PLEKHG7: variants seen among roughly 807,000 people sequenced by gnomAD.
The protein encoded by PLEKHG7 is pleckstrin homology and RhoGEF domain containing G7.
In PLEKHG7, 77 loss-of-function variants were observed where a neutral mutation model predicts 85.2. The ratio of observed to expected loss-of-function variants is 0.90; its 90% CI spans 0.75 to 1.09. The LOEUF (loss-of-function observed/expected upper bound fraction) is 1.09, where lower values mean the gene tolerates loss of function less well. Ranked by LOEUF, PLEKHG7 falls within the 50% of genes least tolerant of loss-of-function variation. The probability of loss-of-function intolerance (pLI) is 0.00; values close to 1 mark genes in which losing one functional copy is unlikely to be tolerated. For synonymous variants in PLEKHG7, 301 were observed against 302.4 expected (o/e 1.00, Z 0.05); for missense variants, 777 against 804.3 (o/e 0.97, Z 0.41).
chr12:92,718,236 AAGAG>A (rs1183237257), intron 3 of PLEKHG7, among the ~76,000 whole-genome samples: 2 of 152,170 alleles, frequency 1.3e-5, no homozygotes, highest in Non-Finnish European at 2.9e-5. Context: ...CATTACTCAA[AAGAG>A]AAGACTGCAG....
intron 13 of PLEKHG7, 135 bp from the exon 14 acceptor site, chr12:92,761,615 GAA>G (rs1872999654): frequency 2.9e-6 from 3 of 1,023,222 alleles, no homozygotes; most frequent in Middle Eastern, 2.8e-4. Flanking sequence ...GAAAAAGAAA[GAA>G]AGAAAGAAGA....
chr12:92,762,772 C>T (rs1274516521), intron 14 of PLEKHG7, among the ~76,000 whole-genome samples: 1 of 152,160 alleles, frequency 6.6e-6, no homozygotes, highest in Non-Finnish European at 1.5e-5. Flanking sequence ...TAGATAAGAT[C>T]ATGAGACTAG....
chr12:92,710,076 CG>C (rs1448289839), intron 3 of PLEKHG7, among the ~76,000 whole-genome samples: 3 of 152,074 alleles, frequency 2.0e-5, no homozygotes, highest in African/African-American at 7.2e-5. Flanking sequence ...GCCAGCAGAA[CG>C]TAATGTCACA....
chr12:92,761,038 G>A (rs1195175343), intron 13 of PLEKHG7, among the ~76,000 whole-genome samples: 1 of 152,164 alleles, frequency 6.6e-6, no homozygotes, highest in African/African-American at 2.4e-5. Flanking sequence ...GGGATAGGGT[G>A]GAGGTATCCG....
intron 4 of PLEKHG7, among the ~76,000 whole-genome samples, chr12:92,729,610 C>T (rs950321509): frequency 2.4e-4 from 36 of 152,102 alleles, no homozygotes; most frequent in African/African-American, 8.4e-4. Flanking sequence ...AAAGCGTCTG[C>T]ATCTTCATCT....
intron 10 of PLEKHG7, among the ~76,000 whole-genome samples, chr12:92,753,232 C>T (rs1872739668): frequency 6.6e-6 from 1 of 152,258 alleles, no homozygotes; most frequent in South Asian, 2.1e-4. Context: ...CCCTATACTC[C>T]TTCCTGATGT....
chr12:92,729,254 T>A, intron 4 of PLEKHG7, 134 bp downstream of exon 4: 1 of 1,095,702 alleles, frequency 9.1e-7, no homozygotes, highest in Non-Finnish European at 1.2e-6. Flanking sequence ...CCTCACCAAT[T>A]ACAACGGGCA....
At chr12:92,766,334 G>A (rs1340647294) in intron 15 of PLEKHG7, among the ~76,000 whole-genome samples, 1 of 152,188 alleles carries the variant, frequency 6.6e-6, no homozygotes, top group Non-Finnish European at 1.5e-5. Flanking sequence ...TATAGTTATA[G>A]ATTGTGGCCT....
At position 92,736,402 on chromosome 12, in the gene PLEKHG7, C is replaced by T. The variant is rs372354456; in HGVS notation, c.700-80C>T. The T allele has an allele frequency of 2.3e-5, 20 of 877,286 alleles. No individual in the cohort carries two copies. In the Middle Eastern group the frequency reaches 1.2e-3, roughly 52 times the overall value. The allele number at this position is 877,286 out of a possible 1,614,324, so 54.3% of individuals were successfully genotyped here. On this transcript the variant is annotated intron_variant, in intron 5 of 16. Coordinates refer to ENST00000344636, the MANE Select transcript of PLEKHG7 (RefSeq NM_001377329.1). The stretch of plus-strand genomic sequence containing the variant: ...CTTATCATGAATGTTAGGGAATGAA[C>T]GAAAGATGCCAAGGCTACCGAAGTC...
chr12:92,723,008 TG>T (rs1237776387), intron 3 of PLEKHG7, among the ~76,000 whole-genome samples: 2 of 152,112 alleles, frequency 1.3e-5, no homozygotes, highest in African/African-American at 4.8e-5. Context: ...AAAAGATTTA[TG>T]GAGGAGGAGT....
intron 1 of PLEKHG7, among the ~76,000 whole-genome samples, chr12:92,705,307 C>T (rs916080583): frequency 2.6e-5 from 4 of 152,060 alleles, no homozygotes; most frequent in African/African-American, 7.3e-5. Context: ...AGAATGAGGT[C>T]AGGTTATAAG....
intron 1 of PLEKHG7, among the ~76,000 whole-genome samples, chr12:92,704,371 T>A (rs1470844553): frequency 6.6e-6 from 1 of 152,200 alleles, no homozygotes; most frequent in Non-Finnish European, 1.5e-5. Context: ...CAATGTACCT[T>A]ATTTTATCAA....
intron 4 of PLEKHG7, among the ~76,000 whole-genome samples, chr12:92,730,796 T>C (rs1871969361): frequency 6.6e-6 from 1 of 152,200 alleles, no homozygotes; most frequent in Non-Finnish European, 1.5e-5. Flanking sequence ...AAGGAACAAG[T>C]TCATCGCTGC....
At chr12:92,759,093 A>G (rs1311196024) in intron 13 of PLEKHG7, among the ~76,000 whole-genome samples, 1 of 152,180 alleles carries the variant, frequency 6.6e-6, no homozygotes, top group Non-Finnish European at 1.5e-5. Flanking sequence ...TGTGTTTCCA[A>G]ATTTCTCCCA....
chr12:92,734,100 A>G (rs1872068773), intron 5 of PLEKHG7, among the ~76,000 whole-genome samples: 2 of 152,254 alleles, frequency 1.3e-5, no homozygotes, highest in African/African-American at 4.8e-5. Flanking sequence ...CACTTTCACA[A>G]GAACACAATA....
chr12:92,755,034 G>GAATT (rs1170908520), intron 11 of PLEKHG7, among the ~76,000 whole-genome samples: 2 of 152,040 alleles, frequency 1.3e-5, no homozygotes, highest in Non-Finnish European at 2.9e-5. Context: ...TGAAGAGCTG[G>GAATT]AATTAAGTTT....
chr12:92,770,996 G>GT lies in PLEKHG7; in HGVS notation c.*801_*802insT, dbSNP rs5800087. On this transcript the variant is annotated 3_prime_UTR_variant, in exon 17 of 17. Coordinates refer to ENST00000344636, the MANE Select transcript of PLEKHG7 (RefSeq NM_001377329.1). ...ATAAAAATACTTTCTGGTTTTGATT[G>GT]GTGTGTGTGTGTGTGTGTGTGTGTG... 5 of 150,264 alleles carry GT rather than the reference G, an allele frequency of 3.3e-5. No individual in the cohort carries two copies. The highest frequency in any genetic ancestry group is 4.9e-5 in the African/African-American group (2 of 40,974). The allele number at this position is 150,264 out of a possible 1,614,324, so 9.3% of individuals were successfully genotyped here.
chr12:92,741,298 C>A (rs1046718642), intron 8 of PLEKHG7, among the ~76,000 whole-genome samples, 193 bp from the exon 9 acceptor site: 2 of 151,886 alleles, frequency 1.3e-5, no homozygotes, highest in African/African-American at 4.8e-5. Context: ...AGAGAGATAA[C>A]AAGAATTTAT....
chr12:92,737,683 C>T (rs1406002554), intron 7 of PLEKHG7, among the ~76,000 whole-genome samples, 162 bp downstream of exon 7: 1 of 99,472 alleles, frequency 1.0e-5, no homozygotes. Flanking sequence ...GGAAGGAAGA[C>T]AAGAAAAGAA....
Sources: allele counts gnomAD v4.1 joint callset (sites outside exome capture counted in the v4.1 genomes callset), GRCh38; gene constraint gnomAD v4.1.1; transcripts MANE v1.5; gene names NCBI Gene and HGNC (gene_info 2026-07-23, HGNC 2026-07-21).